Variants in KCNT2 observed in about 807,000 individuals in gnomAD.
The protein encoded by KCNT2 is potassium sodium-activated channel subfamily T member 2.
A neutral mutation model predicts 153.8 loss-of-function variants in KCNT2; 67 were observed. The observed-to-expected ratio is 0.44, with a 90% CI of 0.36 to 0.53. The LOEUF is 0.53. KCNT2 is among the 20% of genes least tolerant of loss of function. The pLI, the probability that KCNT2 is intolerant of heterozygous loss-of-function variation, is 0.00. For missense variants in KCNT2, 975 were observed against 1,354.8 expected (o/e 0.72, Z 4.40); for synonymous variants, 500 against 458.8 (o/e 1.09, Z -1.15).
At chr1:196,576,459 A>C (rs1661396912) in intron 1 of KCNT2, among the ~76,000 whole-genome samples, 1 of 152,178 alleles carries the variant, frequency 6.6e-6, no homozygotes, top group Non-Finnish European at 1.5e-5. Context: ...TGGGAATACC[A>C]TAGCATACTT....
chr1:196,496,974 A>G (rs1436115840), intron 1 of KCNT2, among the ~76,000 whole-genome samples: 1 of 152,194 alleles, frequency 6.6e-6, no homozygotes, highest in Non-Finnish European at 1.5e-5. Flanking sequence ...TAACAAAACA[A>G]TGTTGAATGA....
chr1:196,528,967 T>G (rs1246095167), intron 1 of KCNT2, among the ~76,000 whole-genome samples: 1 of 151,880 alleles, frequency 6.6e-6, no homozygotes, highest in Admixed American at 6.6e-5. Flanking sequence ...AATATGAATC[T>G]TAAAATAAAT....
chr1:196,366,327 T>A (rs1168000349), intron 14 of KCNT2, among the ~76,000 whole-genome samples: 2 of 151,834 alleles, frequency 1.3e-5, no homozygotes, highest in Non-Finnish European at 2.9e-5. Flanking sequence ...GCCAGGCTAA[T>A]TTTGTATTTT....
intron 7 of KCNT2, among the ~76,000 whole-genome samples, 176 bp from the exon 8 acceptor site, chr1:196,465,563 T>C (rs914284638): frequency 1.3e-5 from 2 of 151,956 alleles, no homozygotes; most frequent in African/African-American, 2.4e-5. Flanking sequence ...CTAGATCTGA[T>C]TGTAACTTAC....
At chr1:196,553,451 T>C (rs1325691996) in intron 1 of KCNT2, among the ~76,000 whole-genome samples, 2 of 150,874 alleles carry the variant, frequency 1.3e-5, no homozygotes, top group East Asian at 1.9e-4. Context: ...ATGTGCACCA[T>C]AGAACAAATG....
chr1:196,578,935 A>G (rs1414380352), intron 1 of KCNT2, among the ~76,000 whole-genome samples: 1 of 152,140 alleles, frequency 6.6e-6, no homozygotes, highest in East Asian at 1.9e-4. Flanking sequence ...TCACAGCAAA[A>G]TGGAGAGGAA....
At chr1:196,325,553 C>T (rs777059203) in intron 19 of KCNT2, among the ~76,000 whole-genome samples, 16 of 152,136 alleles carry the variant, frequency 1.1e-4, no homozygotes, top group Admixed American at 3.9e-4. Context: ...TTTACAACCA[C>T]TGTATTGCCA....
chr1:196,364,952 C>T (rs1010833701), intron 14 of KCNT2, among the ~76,000 whole-genome samples: 3 of 151,994 alleles, frequency 2.0e-5, no homozygotes, highest in Non-Finnish European at 4.4e-5. Flanking sequence ...CATGTAAAAG[C>T]AAATTTGCTT....
intron 19 of KCNT2, among the ~76,000 whole-genome samples, chr1:196,320,705 C>T (rs1365184018): frequency 6.9e-6 from 1 of 145,134 alleles, no homozygotes; most frequent in Non-Finnish European, 1.5e-5. Context: ...TACAGCAAAA[C>T]ATTTAAAGAA....
At chr1:196,547,642 G>C (rs1657285080) in intron 1 of KCNT2, among the ~76,000 whole-genome samples, 1 of 151,504 alleles carries the variant, frequency 6.6e-6, no homozygotes, top group Non-Finnish European at 1.5e-5. Context: ...CCCTTTCACT[G>C]TCCATTCATC....
intron 18 of KCNT2, among the ~76,000 whole-genome samples, chr1:196,327,737 G>A (rs1379192921): frequency 6.7e-6 from 1 of 148,278 alleles, no homozygotes; most frequent in African/African-American, 2.5e-5. Context: ...TGCAATCATC[G>A]CTCACTGAAA....
intron 4 of KCNT2, 38 bp from the exon 5 acceptor site, chr1:196,479,276 A>G: frequency 8.4e-7 from 1 of 1,192,338 alleles, no homozygotes; most frequent in Non-Finnish European, 1.2e-6. Context: ...AAAACGCAAT[A>G]CAATTAAATT....
intron 14 of KCNT2, among the ~76,000 whole-genome samples, chr1:196,367,958 G>A (rs964945088): frequency 1.3e-5 from 2 of 152,046 alleles, no homozygotes; most frequent in Non-Finnish European, 2.9e-5. Context: ...TGCATTTTAC[G>A]ATTACAATAA....
At chr1:196,442,667 G>T (rs760857364) in intron 8 of KCNT2, among the ~76,000 whole-genome samples, 4 of 151,556 alleles carry the variant, frequency 2.6e-5, no homozygotes, top group Non-Finnish European at 5.9e-5. Flanking sequence ...TAGAAGGGAG[G>T]TTAGCATGAT....
chr1:196,328,486 G>A (rs1664106663), intron 18 of KCNT2, among the ~76,000 whole-genome samples: 1 of 152,004 alleles, frequency 6.6e-6, no homozygotes, highest in Non-Finnish European at 1.5e-5. Flanking sequence ...TTTTTGAGAT[G>A]TGATGAAAAA....
chr1:196,469,898 C>T (rs1311706732), intron 5 of KCNT2, among the ~76,000 whole-genome samples: 1 of 152,152 alleles, frequency 6.6e-6, no homozygotes, highest in Non-Finnish European at 1.5e-5. Flanking sequence ...TTGAAATCTG[C>T]TATACTGTAA....
chr1:196,443,159 T>C (rs895384690), intron 8 of KCNT2, among the ~76,000 whole-genome samples: 7 of 151,576 alleles, frequency 4.6e-5, no homozygotes, highest in African/African-American at 1.7e-4. Flanking sequence ...GAGCAGTAAT[T>C]GCTATCTCAG....
chr1:196,489,923 G>A lies in KCNT2; in HGVS notation c.190C>T (p.Leu64=). ...AGTAATTTGAGAGAAAAATTGAACA[G>A]GCGTATCCTTAGACCTTTAAACAAA... ...KNQRSSLRIR[L]FNFSLKLLSC... The change falls in exon 3 of 28, where the codon CTG becomes TTG. Residue 64 remains leucine, a synonymous_variant. Transcript: ENST00000294725. 1.3e-6 allele frequency: 2 copies of A among 1,560,962 alleles called. No individual in the cohort carries two copies. Among genetic ancestry groups the A allele is most frequent in the Non-Finnish European group, 8.7e-7 (1 of 1,145,018 alleles).
intron 1 of KCNT2, among the ~76,000 whole-genome samples, chr1:196,523,439 TG>T (rs1653760774): frequency 6.6e-6 from 1 of 152,198 alleles, no homozygotes; most frequent in Non-Finnish European, 1.5e-5. Context: ...AAATGAAAAG[TG>T]TAGACTGGTG....
Sources: gnomAD v4.1 joint callset for allele counts (sites outside exome capture counted in the v4.1 genomes callset) on GRCh38, gnomAD v4.1.1 for gene constraint, MANE v1.5 for transcripts, NCBI Gene and HGNC (gene_info 2026-07-23, HGNC 2026-07-21) for gene names.